MID1: variants seen among roughly 807,000 people sequenced by gnomAD.
MID1 encodes midline 1.
Under a neutral mutation model 40.4 loss-of-function variants are expected in MID1, and 7 were observed. The observed-to-expected ratio is 0.17, with a 90% CI of 0.10 to 0.33. The LOEUF is 0.33. Among genes scored for constraint, MID1 ranks in the 10% least tolerant of loss-of-function variants. The pLI is 1.00. For synonymous variants in MID1, 229 were observed against 221.2 expected, an observed-to-expected ratio of 1.04 and a Z score of -0.31; for missense variants, 367 against 558.5, an observed-to-expected ratio of 0.66 and a Z score of 3.46.
intron 8 of MID1, among the ~76,000 whole-genome samples, 193 bp downstream of exon 8, chrX:10,459,453 G>A (rs543254231): frequency 1.8e-5 from 2 of 112,297 alleles, no homozygotes; most frequent in South Asian, 3.7e-4. Context: ...CCTCACGGCT[G>A]TGAAGGAATA....
chrX:10,597,291 G>A (rs1935431569), intron 1 of MID1, among the ~76,000 whole-genome samples: 1 of 111,421 alleles, frequency 9.0e-6, no homozygotes, highest in Non-Finnish European at 1.9e-5. Context: ...TTTGCAAGTT[G>A]TTATTTTAAA....
chrX:10,670,695 AGAGT>A (rs1255357802), intron 1 of MID1, among the ~76,000 whole-genome samples: 2 of 112,477 alleles, frequency 1.8e-5, no homozygotes, highest in Non-Finnish European at 3.8e-5. Context: ...CACACATAGC[AGAGT>A]GAGAGACCTT....
At chrX:10,829,045 G>A (rs1156764399) in intron 1 of MID1, among the ~76,000 whole-genome samples, 3 of 112,228 alleles carry the variant, frequency 2.7e-5, no homozygotes, top group Non-Finnish European at 5.6e-5. Context: ...CCATTCTTTT[G>A]TTTCTTAACA....
intron 1 of MID1, among the ~76,000 whole-genome samples, chrX:10,783,631 A>G (rs1409511434): frequency 8.9e-6 from 1 of 112,261 alleles, no homozygotes; most frequent in Non-Finnish European, 1.9e-5. Context: ...CACCAACAAT[A>G]CATCCTAGTG....
At chrX:10,764,040 G>C (rs747532901) in intron 1 of MID1, among the ~76,000 whole-genome samples, 64 of 111,683 alleles carry the variant, frequency 5.7e-4, no homozygotes, top group South Asian at 1.9e-3. Flanking sequence ...AAACTTGTTT[G>C]AGTTCATTGT....
upstream of MID1, among the ~76,000 whole-genome samples, chrX:10,624,914 C>A (rs1244634972): frequency 8.9e-6 from 1 of 112,065 alleles, no homozygotes; most frequent in Non-Finnish European, 1.9e-5. Context: ...CTTGTTATAT[C>A]CTCCTCCTGT....
chrX:10,510,357 T>A (rs935415890), intron 3 of MID1, among the ~76,000 whole-genome samples: 3 of 111,724 alleles, frequency 2.7e-5, no homozygotes, highest in African/African-American at 9.8e-5. Flanking sequence ...CTCACCCCTA[T>A]GAGGAATCAC....
chrX:10,523,949 G>T (rs1027563626), intron 2 of MID1, among the ~76,000 whole-genome samples: 1 of 111,690 alleles, frequency 9.0e-6, no homozygotes, highest in African/African-American at 3.3e-5. Context: ...ATGTGATTAG[G>T]TTATATGCAA....
At chrX:10,585,566 G>A (rs759582964) in intron 1 of MID1, among the ~76,000 whole-genome samples, 2 of 111,618 alleles carry the variant, frequency 1.8e-5, no homozygotes, top group South Asian at 3.8e-4. Context: ...CTCAAACCAC[G>A]ACATTTACTT....
chrX:10,532,817 G>T (rs1933025482), intron 2 of MID1, among the ~76,000 whole-genome samples: 1 of 109,568 alleles, frequency 9.1e-6, no homozygotes, highest in Non-Finnish European at 1.9e-5. Flanking sequence ...GCCCAGGCTG[G>T]AGTGCAATGG....
chrX:10,822,202 C>T (rs2044179950), intron 1 of MID1, among the ~76,000 whole-genome samples: 1 of 111,453 alleles, frequency 9.0e-6, no homozygotes, highest in African/African-American at 3.3e-5. Context: ...CTGCAATCAT[C>T]TGATCTTTGA....
intron 2 of MID1, among the ~76,000 whole-genome samples, chrX:10,527,056 A>G (rs187574404): frequency 1.1e-3 from 127 of 112,122 alleles, no homozygotes; most frequent in Non-Finnish European, 2.0e-3. Flanking sequence ...AGCAGTCTCC[A>G]TAATCTCTTG....
intron 1 of MID1, among the ~76,000 whole-genome samples, chrX:10,723,573 A>G (rs953889225): frequency 1.8e-5 from 2 of 113,230 alleles, no homozygotes; most frequent in Admixed American, 1.8e-4. Context: ...TATTTTTGAG[A>G]CGGAGTCTCG....
At chrX:10,594,995 C>T (rs1935384701) in intron 1 of MID1, among the ~76,000 whole-genome samples, 1 of 111,802 alleles carries the variant, frequency 8.9e-6, no homozygotes. Flanking sequence ...ATATCCATAA[C>T]TGGCATTTAA....
intron 1 of MID1, among the ~76,000 whole-genome samples, chrX:10,675,306 G>C (rs2043015308): frequency 8.9e-6 from 1 of 112,080 alleles, no homozygotes; most frequent in Admixed American, 9.5e-5. Context: ...TTAATGAGGA[G>C]GAAAAAATGC....
chrX:10,735,135 T>G (rs1031529771), intron 1 of MID1, among the ~76,000 whole-genome samples: 5 of 112,353 alleles, frequency 4.5e-5, no homozygotes, highest in African/African-American at 1.3e-4. Flanking sequence ...GGAGTTTCAC[T>G]CTTGTTGCCC....
chrX:10,493,124 G>A (rs1239910004), intron 4 of MID1, among the ~76,000 whole-genome samples: 2 of 111,900 alleles, frequency 1.8e-5, no homozygotes, highest in Non-Finnish European at 3.8e-5. Flanking sequence ...TGGCAAAAGG[G>A]ACTTTACAGA....
intron 5 of MID1, among the ~76,000 whole-genome samples, chrX:10,479,480 C>G (rs915037879): frequency 1.8e-5 from 2 of 111,101 alleles, no homozygotes; most frequent in African/African-American, 6.5e-5. Flanking sequence ...TACCCACCCC[C>G]ACTCCCACAA....
chrX:10,589,342 G>C (rs1373265623), intron 1 of MID1, among the ~76,000 whole-genome samples: 1 of 110,507 alleles, frequency 9.0e-6, no homozygotes, highest in Non-Finnish European at 1.9e-5. Context: ...CCCAAGACCA[G>C]TCCTGTGAAG....
Sources: allele counts gnomAD v4.1 joint callset (sites outside exome capture counted in the v4.1 genomes callset), GRCh38; gene constraint gnomAD v4.1.1; transcripts MANE v1.5; gene names NCBI Gene and HGNC (gene_info 2026-07-23, HGNC 2026-07-21).